Variants in RUNX2 observed in about 807,000 individuals in gnomAD.
RUNX2 encodes runt-related transcription factor 2.
Under a neutral mutation model 51.7 loss-of-function variants are expected in RUNX2, and 10 were observed. The ratio of observed to expected loss-of-function variants is 0.19; its 90% confidence interval spans 0.12 to 0.33. RUNX2 has a LOEUF of 0.33. Among genes scored for constraint, RUNX2 ranks in the 10% least tolerant of loss-of-function variants. The probability of loss-of-function intolerance (pLI) is 1.00; values close to 1 mark genes in which losing one functional copy is unlikely to be tolerated. For synonymous variants in RUNX2, 276 were observed against 273.6 expected (o/e 1.01, Z -0.09); for missense variants, 562 against 691.3 (o/e 0.81, Z 2.10).
At chr6:45,367,640 TC>T (rs1369486301) in intron 2 of RUNX2, among the ~76,000 whole-genome samples, 2 of 152,162 alleles carry the variant, frequency 1.3e-5, no homozygotes, top group Non-Finnish European at 2.9e-5. Flanking sequence ...CATGTTAAAC[TC>T]AAAGAGTAAG....
At chr6:45,351,523 T>C (rs1323151313) in intron 2 of RUNX2, among the ~76,000 whole-genome samples, 1 of 152,176 alleles carries the variant, frequency 6.6e-6, no homozygotes, top group African/African-American at 2.4e-5. Flanking sequence ...TGAGTGGAGA[T>C]GTCAAAGAAG....
In RUNX2 at chr6:45,368,212, G is replaced by A. The variant is rs79206997; in HGVS notation, c.58+39428G>A. ...TATTTTACAAAATGAATTCAGATGT[G>A]CAGATTGGGACCTAGATTATTTCAA... On this transcript the variant is annotated intron_variant, in intron 2 of 8. Transcript: ENST00000647337. 4.1e-3 allele frequency among the ~76,000 whole-genome samples: 622 copies of A among 152,228 alleles called. 5 individuals carry two copies. Among genetic ancestry groups the A allele is most frequent in the African/African-American group, 0.014 (583 of 41,558 alleles).
At chr6:45,359,153 T>C (rs1034831577) in intron 2 of RUNX2, among the ~76,000 whole-genome samples, 4 of 152,304 alleles carry the variant, frequency 2.6e-5, no homozygotes. Flanking sequence ...GATAGTAATA[T>C]TTAAATAAAA....
Position 45,548,639 on chromosome 6 carries a change from G to T in RUNX2, c.*1334G>T, listed in dbSNP as rs747265691. ...AGCACAAGTAAATCATTGAACTACAGAAAAATGTTCTGTGGTTTCATAGTT... is the reference window on the plus strand; with the variant it reads ...AGCACAAGTAAATCATTGAACTACATAAAAATGTTCTGTGGTTTCATAGTT... On this transcript the variant is annotated 3_prime_UTR_variant, in exon 9 of 9. Transcript: ENST00000647337. 6.5e-6 allele frequency: 1 copy of T among 152,996 alleles called. No homozygotes were observed. Among genetic ancestry groups the T allele is most frequent in the Non-Finnish European group, 1.5e-5 (1 of 68,278 alleles). 9.5% of individuals were successfully genotyped at this position (152,996 alleles called of 1,614,324 possible).
chr6:45,540,344 T>G (rs1582224008), intron 7 of RUNX2, among the ~76,000 whole-genome samples: 1 of 152,296 alleles, frequency 6.6e-6, no homozygotes, highest in African/African-American at 2.4e-5. Context: ...AGAATTTCCC[T>G]TTTCATGTGT....
At chr6:45,541,832 CTG>C (rs1802239941) in intron 7 of RUNX2, among the ~76,000 whole-genome samples, 1 of 152,198 alleles carries the variant, frequency 6.6e-6, no homozygotes, top group African/African-American at 2.4e-5. Context: ...AGTACCCGGT[CTG>C]TTATTTTGGT....
chr6:45,538,113 C>A (rs1019266804), intron 7 of RUNX2, among the ~76,000 whole-genome samples: 6 of 152,098 alleles, frequency 3.9e-5, no homozygotes, highest in African/African-American at 1.4e-4. Flanking sequence ...GCTTTGGTGT[C>A]TAATATATAA....
intron 2 of RUNX2, among the ~76,000 whole-genome samples, chr6:45,416,460 C>T (rs1254583742): frequency 6.6e-6 from 1 of 152,144 alleles, no homozygotes; most frequent in Non-Finnish European, 1.5e-5. Flanking sequence ...GACTTAAAGG[C>T]AATATGTGAG....
chr6:45,412,836 CA>C (rs1238823899), intron 2 of RUNX2, among the ~76,000 whole-genome samples: 1 of 152,196 alleles, frequency 6.6e-6, no homozygotes, highest in South Asian at 2.1e-4. Flanking sequence ...CCTCCGCCTC[CA>C]AGATTCAAGT....
At chr6:45,528,659 C>T (rs755965077) in intron 7 of RUNX2, among the ~76,000 whole-genome samples, 16 of 152,098 alleles carry the variant, frequency 1.1e-4, no homozygotes, top group African/African-American at 3.9e-4. Context: ...AAGCATCATG[C>T]ATGCAGGTGT....
At chr6:45,509,156 CATTG>C (rs1285104078) in intron 6 of RUNX2, among the ~76,000 whole-genome samples, 4 of 152,168 alleles carry the variant, frequency 2.6e-5, no homozygotes, top group Non-Finnish European at 5.9e-5. Context: ...AGCTCAGTAA[CATTG>C]AGAAACACAG....
chr6:45,524,961 A>G (rs1801626782), intron 7 of RUNX2, among the ~76,000 whole-genome samples: 1 of 152,178 alleles, frequency 6.6e-6, no homozygotes, highest in Non-Finnish European at 1.5e-5. Flanking sequence ...AAATACAACA[A>G]TTAGCTGGGT....
intron 5 of RUNX2, among the ~76,000 whole-genome samples, chr6:45,475,733 C>T (rs1402646771): frequency 6.6e-6 from 1 of 152,098 alleles, no homozygotes; most frequent in Non-Finnish European, 1.5e-5. Context: ...TTCAGTTGAA[C>T]AAAGTAGATC....
chr6:45,388,289 G>A (rs148931785), intron 2 of RUNX2, among the ~76,000 whole-genome samples: 2,041 of 152,298 alleles, frequency 0.013, 25 homozygotes, highest in Non-Finnish European at 0.018. Context: ...CTATTTTGCT[G>A]AAAAAGTGAG....
intron 2 of RUNX2, chr6:45,372,101 T>G: frequency 1.1e-5 from 9 of 856,532 alleles, no homozygotes; most frequent in Non-Finnish European, 1.3e-5. Flanking sequence ...TGTGAAATAT[T>G]AATATCTGAC....
At chr6:45,544,040 T>A (rs945665101) in intron 7 of RUNX2, among the ~76,000 whole-genome samples, 6 of 151,714 alleles carry the variant, frequency 4.0e-5, no homozygotes, top group African/African-American at 1.5e-4. Context: ...CTTGGTAACA[T>A]AAAGTGACTA....
chr6:45,413,360 T>C (rs1299625569), intron 2 of RUNX2, among the ~76,000 whole-genome samples: 1 of 150,668 alleles, frequency 6.6e-6, no homozygotes, highest in Non-Finnish European at 1.5e-5. Flanking sequence ...CCTTACATAG[T>C]GAAGGTCAAA....
intron 2 of RUNX2, among the ~76,000 whole-genome samples, chr6:45,378,532 T>C (rs1017592300): frequency 1.3e-5 from 2 of 152,156 alleles, no homozygotes; most frequent in African/African-American, 4.8e-5. Context: ...GCGCCATCAC[T>C]CCCTACCCTG....
chr6:45,404,287 AG>A (rs1797786306), intron 2 of RUNX2, among the ~76,000 whole-genome samples: 6 of 138,870 alleles, frequency 4.3e-5, no homozygotes, highest in Middle Eastern at 3.7e-3. Flanking sequence ...AAAAGAAAAA[AG>A]AAAAAAAAAA....
Sources: gnomAD v4.1 joint callset for allele counts (sites outside exome capture counted in the v4.1 genomes callset) on GRCh38, gnomAD v4.1.1 for gene constraint, MANE v1.5 for transcripts, NCBI Gene and HGNC (gene_info 2026-07-23, HGNC 2026-07-21) for gene names.